Variants in PITPNM2 observed in about 807,000 individuals in gnomAD.
PITPNM2 encodes membrane-associated phosphatidylinositol transfer protein 2.
In PITPNM2, 35 loss-of-function variants were observed where a neutral mutation model predicts 132.2. The observed-to-expected ratio is 0.26, with a 90% CI of 0.20 to 0.35. The LOEUF is 0.35. PITPNM2 is among the 10% of genes least tolerant of loss of function. The pLI is 1.00. For synonymous variants in PITPNM2, 738 were observed against 799.2 expected (o/e 0.92, Z 1.29); for missense variants, 1,332 against 1,912.0 (o/e 0.70, Z 5.66).
chr12:123,130,171 G>A (rs1018897214), intron 1 of PITPNM2, among the ~76,000 whole-genome samples: 2 of 152,130 alleles, frequency 1.3e-5, no homozygotes, highest in African/African-American at 2.4e-5. Context: ...AGGACCCCAG[G>A]GAACCACATA....
At chr12:123,122,843 C>T (rs1406770018) in intron 1 of PITPNM2, among the ~76,000 whole-genome samples, 1 of 152,218 alleles carries the variant, frequency 6.6e-6, no homozygotes, top group Non-Finnish European at 1.5e-5. Flanking sequence ...AAGGAGTTTT[C>T]TCCAGATTTT....
chr12:123,042,851 G>A (rs779894243), intron 2 of PITPNM2, among the ~76,000 whole-genome samples: 23 of 152,104 alleles, frequency 1.5e-4, no homozygotes, highest in Non-Finnish European at 8.8e-5. Context: ...CCAAAGCTCT[G>A]GATGAATGGG....
Position 123,109,794 on chromosome 12 carries a change from C to T in PITPNM2, c.-96+591G>A, listed in dbSNP as rs146257980. ...GCTCTATAAACAGGAGAATAGCAGC[C>T]GTTGGGGCCTCAAAGGCTGACCCAA... On this transcript the variant is annotated intron_variant, in intron 2 of 25. Coordinates refer to ENST00000320201, the MANE Select transcript of PITPNM2 (RefSeq NM_020845.3). 6.0e-3 allele frequency among the ~76,000 whole-genome samples: 915 copies of T among 152,264 alleles called. 9 individuals are homozygous for T. Among genetic ancestry groups the T allele is most frequent in the African/African-American group, 0.021 (876 of 41,544 alleles).
intron 1 of PITPNM2, among the ~76,000 whole-genome samples, chr12:123,135,889 T>A (rs1214246438): frequency 6.6e-6 from 1 of 152,252 alleles, no homozygotes; most frequent in African/African-American, 2.4e-5. Flanking sequence ...CATGGCTGAA[T>A]AATATTTTGT....
chr12:123,068,498 T>A (rs908169329), intron 2 of PITPNM2, among the ~76,000 whole-genome samples: 39 of 124,206 alleles, frequency 3.1e-4, no homozygotes, highest in African/African-American at 7.0e-4. Flanking sequence ...AATAAATAAA[T>A]AAAAATAATC....
intron 1 of PITPNM2, among the ~76,000 whole-genome samples, chr12:123,132,637 C>T (rs2043292694): frequency 6.6e-6 from 1 of 151,926 alleles, no homozygotes; most frequent in Non-Finnish European, 1.5e-5. Context: ...TTTCATTATC[C>T]CAACCAGAAG....
At chr12:123,024,469 A>G (rs1406401910) in intron 3 of PITPNM2, among the ~76,000 whole-genome samples, 2 of 152,266 alleles carry the variant, frequency 1.3e-5, no homozygotes, top group Non-Finnish European at 2.9e-5. Context: ...AAACTTATAC[A>G]TGAATATTTA....
Position 123,000,710 on chromosome 12 carries a change from C to T in PITPNM2, c.1224+68G>A. ...AGTTCCACCTCTGTAACCCCTCAGA[C>T]TATTCCTCTGCACCCTGCCCCTCCC... On this transcript the variant is annotated intron_variant, in intron 10 of 25. Transcript: ENST00000320201. This position sits in a 1 kb window ranked among gnomAD's most constrained non-coding sequence, Gnocchi z 5.4. The T allele has an allele frequency of 1.3e-6, 2 of 1,531,080 alleles. No individual in the cohort carries two copies. Among genetic ancestry groups the T allele is most frequent in the Non-Finnish European group, 1.8e-6 (2 of 1,115,188 alleles). The allele number at this position is 1,531,080 out of a possible 1,614,324, so 94.8% of individuals were successfully genotyped here. A position where few individuals can be genotyped will look rare whatever the true frequency, so the allele number is the denominator to read the frequency against.
intron 18 of PITPNM2, among the ~76,000 whole-genome samples, chr12:122,989,203 G>A (rs996901505): frequency 6.6e-6 from 1 of 152,172 alleles, no homozygotes; most frequent in Non-Finnish European, 1.5e-5. Flanking sequence ...CCCCATCTCT[G>A]CCCTCTCTGG....
rs1008723428 is a variant in PITPNM2, at chr12:123,150,828, G to T, written c.-275C>A. Among the ~76,000 whole-genome samples, 12 of 146,402 alleles carry T rather than the reference G, an allele frequency of 8.2e-5. No homozygotes were observed. Among genetic ancestry groups the T allele is most frequent in the Non-Finnish European group, 1.4e-4 (9 of 65,838 alleles). Reference sequence around the variant, plus strand: ...CGCCGCCACCTCACGCCGCCTCACGGGGAGCGCCCGCCCCGCGGCCCCGGC... The same window carrying T: ...CGCCGCCACCTCACGCCGCCTCACGTGGAGCGCCCGCCCCGCGGCCCCGGC... On this transcript the variant is annotated 5_prime_UTR_variant, in exon 1 of 26. Transcript: ENST00000320201. This position sits in a 1 kb window ranked among gnomAD's most constrained non-coding sequence, Gnocchi z 6.0.
chr12:123,066,561 G>A (rs2041423523), intron 2 of PITPNM2, among the ~76,000 whole-genome samples: 1 of 152,152 alleles, frequency 6.6e-6, no homozygotes, highest in Admixed American at 6.5e-5. Flanking sequence ...TGAGAGCTGG[G>A]AGACAGACAG....
chr12:123,018,009 T>TTCCG, intron 3 of PITPNM2, among the ~76,000 whole-genome samples: 1 of 139,124 alleles, frequency 7.2e-6, no homozygotes, highest in Non-Finnish European at 1.5e-5. Context: ...CCTTCCTTCC[T>TTCCG]TCCTTCCTTC....
At chr12:123,088,738 G>A (rs1258041000) in intron 2 of PITPNM2, 1 of 152,160 alleles carries the variant, frequency 6.6e-6, no homozygotes, top group Non-Finnish European at 1.5e-5. Flanking sequence ...CTTTGTTGGG[G>A]GGAGAGGGAC....
intron 1 of PITPNM2, among the ~76,000 whole-genome samples, chr12:123,142,377 C>T (rs538368250): frequency 3.1e-4 from 47 of 152,302 alleles, no homozygotes; most frequent in African/African-American, 1.1e-3. Flanking sequence ...TTTGCTTCAG[C>T]GTATTGGAAA....
In PITPNM2 at chr12:122,996,924, C is replaced by A; in HGVS notation, c.1473-14G>T. 6.4e-7 allele frequency: 1 copy of A among 1,558,502 alleles called. No homozygotes were observed. Among genetic ancestry groups the A allele is most frequent in the South Asian group, 1.2e-5 (1 of 82,038 alleles). On this transcript the variant is annotated splice_polypyrimidine_tract_variant and intron_variant, in intron 11 of 25. Coordinates refer to ENST00000320201, the MANE Select transcript of PITPNM2 (RefSeq NM_020845.3). ...TAGGGGCTGAGGCTGGGGAGAGGGG[C>A]CAGTCAAGAGAGGGCAGGCGGCTCC... is the stretch of plus-strand genomic sequence containing the variant.
Position 123,013,962 on chromosome 12 carries a change from G to A in PITPNM2, c.159C>T (p.Gly53=), listed in dbSNP as rs762008818. The A allele has an allele frequency of 6.2e-6, 10 of 1,614,142 alleles. No homozygotes were observed. Among genetic ancestry groups the A allele is most frequent in the Middle Eastern group, 1.6e-4 (1 of 6,082 alleles). ...CCTTGTGTGTGTACTGCCCAGAGCCGCCTGGGCCATCTGTGTACGGCCGGT... is the reference window on the plus strand; with the variant it reads ...CCTTGTGTGTGTACTGCCCAGAGCCACCTGGGCCATCTGTGTACGGCCGGT... ...LENRPYTDGP[G]GSGQYTHKVY... Residue 53 remains glycine (G), a synonymous_variant, in exon 4 of 26, where the codon GGC becomes GGT. Transcript: ENST00000320201.
chr12:123,061,786 C>T (rs2041243220), intron 2 of PITPNM2, among the ~76,000 whole-genome samples: 1 of 152,134 alleles, frequency 6.6e-6, no homozygotes, highest in Non-Finnish European at 1.5e-5. Context: ...TAGCAGGGTC[C>T]CCAAGAACAG....
At chr12:123,007,725 C>A (rs1203806927) in intron 6 of PITPNM2, among the ~76,000 whole-genome samples, 1 of 152,158 alleles carries the variant, frequency 6.6e-6, no homozygotes, top group Non-Finnish European at 1.5e-5. Context: ...GCTGGCCTCA[C>A]AGGGCTGCCA....
rs1277736861 is a variant in PITPNM2 at position 123,077,130 on chromosome 12, C to A, written c.-96+33255G>T. 2.6e-5 allele frequency among the ~76,000 whole-genome samples: 4 copies of A among 152,142 alleles called. No homozygotes were observed. The highest frequency in any genetic ancestry group is 5.9e-5 in the Non-Finnish European group (4 of 68,024). ...ACTGGGCAGCAGGCTTGAAATCCTG[C>A]CTGACCAAACTGTGCCGAGGGGCTG... On this transcript the variant is annotated intron_variant, in intron 2 of 25. Transcript: ENST00000320201. This position sits in a 1 kb window ranked among gnomAD's most constrained non-coding sequence, Gnocchi z 4.8.
Sources: gnomAD v4.1 joint callset for allele counts (sites outside exome capture counted in the v4.1 genomes callset) on GRCh38, gnomAD v4.1.1 for gene constraint, Gnocchi (gnomAD v3.1) non-coding constraint, MANE v1.5 for transcripts, NCBI Gene and HGNC (gene_info 2026-07-23, HGNC 2026-07-21) for gene names.